The following PKHD1 variants were observed in gnomAD, a reference collection of about 807,000 sequenced individuals.
PKHD1 encodes the protein fibrocystin.
A neutral mutation model predicts 412.0 loss-of-function variants in PKHD1; 291 were observed. That is an observed-to-expected ratio of 0.71 (90% confidence interval 0.64 to 0.78). The LOEUF is 0.78. Among genes scored for constraint, PKHD1 ranks in the 30% least tolerant of loss-of-function variants. The pLI is 0.00. For missense variants in PKHD1, 4,825 were observed against 4,950.7 expected (o/e 0.97, Z 0.76); for synonymous variants, 1,777 against 1,821.5 (o/e 0.98, Z 0.62).
chr6:51,883,144 A>G lies in PKHD1; in HGVS notation c.7299T>C (p.Asp2433=). ...AGCTGTCAGTAACTGAAGTATTTGCATCACTTTCCAAGACGTCAATTCCAA... is the reference window on the plus strand; with the variant it reads ...AGCTGTCAGTAACTGAAGTATTTGCGTCACTTTCCAAGACGTCAATTCCAA... The part of the protein sequence containing the change: ...RDFGIDVLES[D]ANTSVTDSLL... The change falls in exon 46 of 67, where the codon GAT becomes GAC. Residue 2433 remains aspartate (D), a synonymous_variant. Coordinates refer to ENST00000371117, the MANE Select transcript of PKHD1 (RefSeq NM_138694.4). The G allele has an allele frequency of 6.2e-7, 1 of 1,612,780 alleles. No homozygotes were observed. Among genetic ancestry groups the G allele is most frequent in the African/African-American group, 1.3e-5 (1 of 75,042 alleles).
chr6:51,760,214 T>C (rs1364274884), intron 55 of PKHD1, among the ~76,000 whole-genome samples: 1 of 152,144 alleles, frequency 6.6e-6, no homozygotes, highest in African/African-American at 2.4e-5. Context: ...TAATATGCCA[T>C]TGAACCAAGA....
chr6:51,709,197 T>TTA (rs1780358097), intron 60 of PKHD1, among the ~76,000 whole-genome samples: 1 of 152,212 alleles, frequency 6.6e-6, no homozygotes, highest in South Asian at 2.1e-4. Context: ...AAGCACCATG[T>TTA]TCACCTTTAT....
chr6:51,723,011 G>A (rs1782118005), intron 60 of PKHD1, among the ~76,000 whole-genome samples: 1 of 152,108 alleles, frequency 6.6e-6, no homozygotes, highest in South Asian at 2.1e-4. Flanking sequence ...CATTAATCAT[G>A]TACTTACTTC....
intron 45 of PKHD1, among the ~76,000 whole-genome samples, chr6:51,884,981 TC>T (rs1260961846): frequency 1.3e-5 from 2 of 152,228 alleles, no homozygotes; most frequent in Non-Finnish European, 2.9e-5. Context: ...TGGGCTTTCT[TC>T]ATCCACAGTT....
intron 55 of PKHD1, among the ~76,000 whole-genome samples, chr6:51,757,422 C>G (rs1787203148): frequency 6.6e-6 from 1 of 152,070 alleles, no homozygotes; most frequent in African/African-American, 2.4e-5. Context: ...TTTCTAACTT[C>G]CTTATATAAG....
chr6:51,751,624 T>A (rs1462699224), intron 57 of PKHD1, among the ~76,000 whole-genome samples: 1 of 152,180 alleles, frequency 6.6e-6, no homozygotes, highest in Non-Finnish European at 1.5e-5. Context: ...AATCTACCAC[T>A]TACTACTTGA....
chr6:52,011,329 GTAA>G (rs1799793710), intron 34 of PKHD1, among the ~76,000 whole-genome samples: 1 of 152,188 alleles, frequency 6.6e-6, no homozygotes. Flanking sequence ...AAAATTATCA[GTAA>G]TAATAATGCA....
Position 51,882,725 on chromosome 6 carries a change from T to C in PKHD1, c.7350+368A>G, listed in dbSNP as rs9395738. Among the ~76,000 whole-genome samples, 52,352 of 152,020 alleles carry C rather than the reference T, an allele frequency of 0.34. 9,986 individuals are homozygous for C. Among genetic ancestry groups the C allele is most frequent in the East Asian group, 0.74 (3,832 of 5,160 alleles). ...CATCTAGAGTCTGATTTTTATCATGTGGAAATCCATACTTAGGCACATATT... is the reference window on the plus strand; with the variant it reads ...CATCTAGAGTCTGATTTTTATCATGCGGAAATCCATACTTAGGCACATATT... On this transcript the variant is annotated intron_variant, in intron 46 of 66. Transcript: ENST00000371117.
chr6:51,778,303 A>G (rs1027445859), intron 53 of PKHD1, among the ~76,000 whole-genome samples: 2 of 152,138 alleles, frequency 1.3e-5, no homozygotes, highest in Non-Finnish European at 2.9e-5. Flanking sequence ...TGTATTCATA[A>G]TGGGAGGAAA....
chr6:51,659,657 C>T lies in PKHD1; in HGVS notation c.10469G>A (p.Ser3490Asn), dbSNP rs149486694. Residue 3490 changes from serine (S) to asparagine (N), a missense_variant, in exon 61 of 67, where the codon AGT becomes AAT. By Grantham distance (46) the Ser-to-Asn change is conservative. Transcript: ENST00000371117. The part of the protein sequence containing the change: ...VLRFFLLGNK[S>N]TSKLLLAVFY... Reference sequence around the variant, plus strand: ...TACAGCCAAGAGAAGCTTGGAGGTACTTTTGTTCCCCAATAGAAAAAAGCG... The same window carrying T: ...TACAGCCAAGAGAAGCTTGGAGGTATTTTTGTTCCCCAATAGAAAAAAGCG... 1.2e-6 allele frequency: 2 copies of T among 1,613,762 alleles called. No homozygotes were observed. Among genetic ancestry groups the T allele is most frequent in the Admixed American group, 1.7e-5 (1 of 59,918 alleles).
At chr6:52,084,351 A>G (rs1812446219) in intron 2 of PKHD1, among the ~76,000 whole-genome samples, 1 of 152,198 alleles carries the variant, frequency 6.6e-6, no homozygotes, top group South Asian at 2.1e-4. Context: ...ATGATTAGAT[A>G]CTTCTATCTA....
At chr6:51,967,569 T>C (rs1185203943) in intron 35 of PKHD1, among the ~76,000 whole-genome samples, 1 of 152,168 alleles carries the variant, frequency 6.6e-6, no homozygotes, top group Non-Finnish European at 1.5e-5. Flanking sequence ...ATTCAATTCT[T>C]CCCATTTTTT....
chr6:51,868,390 T>C (rs1775428797), intron 47 of PKHD1, among the ~76,000 whole-genome samples: 1 of 152,102 alleles, frequency 6.6e-6, no homozygotes, highest in South Asian at 2.1e-4. Context: ...TCTATCATGG[T>C]TGATTTTACC....
rs1293066192 is a variant in PKHD1, at chr6:51,982,672, C to A, written c.5752-22646G>T. ...TAAGTACCCAGGGACACAAACACTG[C>A]GGAAGGCCGCAGGGTCCTCTGCCTA... On this transcript the variant is annotated intron_variant, in intron 35 of 66. Coordinates refer to ENST00000371117, the MANE Select transcript of PKHD1 (RefSeq NM_138694.4). Among the ~76,000 whole-genome samples the A allele has an allele frequency of 8.8e-5, 13 of 147,540 alleles. No homozygotes were observed. The South Asian group carries it at 2.7e-3, about 30-fold the overall frequency.
intron 12 of PKHD1, 104 bp downstream of exon 12, chr6:52,065,872 G>A: frequency 2.7e-6 from 2 of 730,872 alleles, no homozygotes; most frequent in Admixed American, 2.0e-5. Context: ...TGAGTCAGAA[G>A]GGGCAAAGCT....
chr6:51,707,752 T>C (rs991331696), intron 60 of PKHD1, among the ~76,000 whole-genome samples: 12 of 152,130 alleles, frequency 7.9e-5, no homozygotes. Flanking sequence ...TATTATCAGA[T>C]CCAATAATTT....
chr6:51,625,796 T>C (rs1767151760), intron 66 of PKHD1, among the ~76,000 whole-genome samples: 5 of 152,196 alleles, frequency 3.3e-5, no homozygotes, highest in South Asian at 4.1e-4. Context: ...GCTATTCAGA[T>C]GGCAGCGTTC....
Position 51,903,606 on chromosome 6 carries a change from A to G in PKHD1, c.6987T>C (p.Asn2329=), listed in dbSNP as rs1481030345. The G allele has an allele frequency of 1.2e-6, 2 of 1,610,010 alleles. No homozygotes were observed. Among genetic ancestry groups the G allele is most frequent in the Non-Finnish European group, 1.7e-6 (2 of 1,177,236 alleles). Reference sequence around the variant, plus strand: ...GAGCTGAACATCTTACCTCTATAACATTGGTGGGACTGCAGATATAGATGC... The same window carrying G: ...GAGCTGAACATCTTACCTCTATAACGTTGGTGGGACTGCAGATATAGATGC... ...PSGIYICSPT[N]VIEGNRVCGA... The change falls in exon 43 of 67, where the codon AAT becomes AAC. Residue 2329 remains asparagine, a synonymous_variant. Transcript: ENST00000371117.
At chr6:52,007,231 G>C (rs1351140112) in intron 35 of PKHD1, among the ~76,000 whole-genome samples, 1 of 152,146 alleles carries the variant, frequency 6.6e-6, no homozygotes, top group Non-Finnish European at 1.5e-5. Flanking sequence ...TGGATCAAAT[G>C]GTAGTCTACT....
Sources: gnomAD v4.1 joint callset for allele counts (sites outside exome capture counted in the v4.1 genomes callset) on GRCh38, gnomAD v4.1.1 for gene constraint, MANE v1.5 for transcripts, NCBI Gene and HGNC (gene_info 2026-07-23, HGNC 2026-07-21) for gene names.